The following STXBP6 variants were observed in gnomAD, a reference collection of about 807,000 sequenced individuals.
STXBP6 encodes syntaxin binding protein 6.
Under a neutral mutation model 26.9 loss-of-function variants are expected in STXBP6, and 21 were observed. The observed-to-expected ratio is 0.78, with a 90% CI of 0.55 to 1.12. The LOEUF (loss-of-function observed/expected upper bound fraction) is 1.12. Ranked by LOEUF, STXBP6 falls within the 50% of genes most tolerant of loss-of-function variation. STXBP6 has a pLI of 0.00. For synonymous variants in STXBP6, 97 were observed against 92.6 expected (o/e 1.05, Z -0.27); for missense variants, 232 against 257.9 (o/e 0.90, Z 0.69).
intron 5 of STXBP6, among the ~76,000 whole-genome samples, chr14:24,818,347 T>G (rs542785834): frequency 1.6e-3 from 238 of 152,282 alleles, no homozygotes; most frequent in African/African-American, 5.4e-3. Context: ...CCCCTTTCCC[T>G]TCTAAAAGGC....
chr14:24,851,214 A>G (rs2069137814), intron 4 of STXBP6, among the ~76,000 whole-genome samples: 1 of 149,278 alleles, frequency 6.7e-6, no homozygotes, highest in South Asian at 2.1e-4. Context: ...CTATACTGAC[A>G]ATCTATTTGA....
intron 4 of STXBP6, among the ~76,000 whole-genome samples, chr14:24,852,205 A>G (rs1207545310): frequency 1.3e-5 from 2 of 152,158 alleles, no homozygotes; most frequent in African/African-American, 4.8e-5. Context: ...CATGACAGTT[A>G]CATCTGCAGT....
intron 4 of STXBP6, among the ~76,000 whole-genome samples, chr14:24,826,530 T>C (rs2068289050): frequency 6.6e-6 from 1 of 152,206 alleles, no homozygotes; most frequent in African/African-American, 2.4e-5. Context: ...GTTACTTTCG[T>C]ATGCCACAAT....
At chr14:24,913,765 T>G (rs1247031134) in intron 2 of STXBP6, among the ~76,000 whole-genome samples, 2 of 152,188 alleles carry the variant, frequency 1.3e-5, no homozygotes, top group African/African-American at 4.8e-5. Flanking sequence ...CTTTATAGTC[T>G]TTGGAAAAAC....
chr14:24,929,178 G>A (rs2072290615), intron 2 of STXBP6, among the ~76,000 whole-genome samples: 1 of 152,186 alleles, frequency 6.6e-6, no homozygotes, highest in African/African-American at 2.4e-5. Context: ...AAAATCTGTA[G>A]CTTTCTGGAA....
chr14:24,896,182 G>A (rs2070985213), intron 2 of STXBP6, among the ~76,000 whole-genome samples: 1 of 152,052 alleles, frequency 6.6e-6, no homozygotes, highest in African/African-American at 2.4e-5. Context: ...ATCTAGTGTG[G>A]TCCCAGGATG....
chr14:24,950,739 T>TA (rs1258675440), intron 2 of STXBP6, among the ~76,000 whole-genome samples: 3 of 152,168 alleles, frequency 2.0e-5, no homozygotes, highest in Non-Finnish European at 4.4e-5. Flanking sequence ...CAAAACTATT[T>TA]AAAAAATTTT....
intron 1 of STXBP6, among the ~76,000 whole-genome samples, chr14:25,004,040 C>T (rs1387534811): frequency 6.6e-6 from 1 of 152,172 alleles, no homozygotes; most frequent in African/African-American, 2.4e-5. Context: ...AGAGTTGAGG[C>T]CTGGTGCCTA....
rs1021387505 is a variant in STXBP6 at position 24,918,789 on chromosome 14, C to T, written c.154+55876G>A. On this transcript the variant is annotated intron_variant, in intron 2 of 5. Coordinates refer to ENST00000323944, the MANE Select transcript of STXBP6 (RefSeq NM_001394410.1). ...AAATGTGAAAAAAGCAGAATTACAG[C>T]ATCTTATGTTTGAATATTAACTGTC... is the stretch of plus-strand genomic sequence containing the variant. Among the ~76,000 whole-genome samples the T allele has an allele frequency of 2.6e-5, 4 of 152,028 alleles. No homozygotes were observed. In the East Asian group the frequency reaches 7.7e-4, roughly 29 times the overall value.
At position 24,819,202 on chromosome 14, in the gene STXBP6, G is replaced by C. The variant is rs1361316415; in HGVS notation, c.452-8C>G. On this transcript the variant is annotated splice_region_variant and splice_polypyrimidine_tract_variant and intron_variant, in intron 4 of 5. Transcript: ENST00000323944. ...AATGGAGGATGCTGTTTCCTGAAAG[G>C]AGGAGAGCAGGAGCATCAGAAACTG... The C allele has an allele frequency of 2.5e-6, 4 of 1,613,828 alleles. No individual in the cohort carries two copies. Among genetic ancestry groups the C allele is most frequent in the Non-Finnish European group, 3.4e-6 (4 of 1,180,024 alleles).
intron 2 of STXBP6, among the ~76,000 whole-genome samples, chr14:24,948,769 T>G (rs565003922): frequency 6.6e-6 from 1 of 152,274 alleles, no homozygotes; most frequent in African/African-American, 2.4e-5. Flanking sequence ...AAATAGAATA[T>G]TTTGTCTCAG....
chr14:24,958,129 A>G (rs756918898), intron 2 of STXBP6, among the ~76,000 whole-genome samples: 1 of 152,220 alleles, frequency 6.6e-6, no homozygotes. Flanking sequence ...ACAAAGTTCT[A>G]ATTGGATTCA....
chr14:24,848,412 C>G (rs1234283834), intron 4 of STXBP6, among the ~76,000 whole-genome samples: 2 of 152,162 alleles, frequency 1.3e-5, no homozygotes, highest in African/African-American at 2.4e-5. Flanking sequence ...ATATTTATGT[C>G]TTCTGGTTGA....
At chr14:25,047,127 C>G (rs2075739634) in intron 1 of STXBP6, among the ~76,000 whole-genome samples, 1 of 152,172 alleles carries the variant, frequency 6.6e-6, no homozygotes, top group African/African-American at 2.4e-5. Context: ...TTCAAGCTGT[C>G]AGAACTGTAC....
chr14:24,956,574 T>A (rs957106942), intron 2 of STXBP6, among the ~76,000 whole-genome samples: 1 of 152,196 alleles, frequency 6.6e-6, no homozygotes. Context: ...GCCATCCCCA[T>A]GTACGAACTT....
chr14:25,014,573 G>A (rs1273894486), intron 1 of STXBP6, among the ~76,000 whole-genome samples: 3 of 152,218 alleles, frequency 2.0e-5, no homozygotes, highest in African/African-American at 7.2e-5. Context: ...GGCAAGCCTT[G>A]CACACTCAGC....
chr14:25,018,297 G>A (rs1193289495), intron 1 of STXBP6, among the ~76,000 whole-genome samples: 1 of 152,140 alleles, frequency 6.6e-6, no homozygotes, highest in Non-Finnish European at 1.5e-5. Context: ...GGCCTAGGCA[G>A]CAATGCACTA....
At chr14:24,845,050 C>A (rs1191211040) in intron 4 of STXBP6, among the ~76,000 whole-genome samples, 1 of 149,508 alleles carries the variant, frequency 6.7e-6, no homozygotes. Context: ...CTCACTCTGT[C>A]GCCCAGGCTG....
At chr14:24,836,116 A>G (rs1418382361) in intron 4 of STXBP6, among the ~76,000 whole-genome samples, 1 of 152,238 alleles carries the variant, frequency 6.6e-6, no homozygotes, top group Non-Finnish European at 1.5e-5. Context: ...CAGGGTGTGT[A>G]TGAAATCATA....
Sources: allele counts gnomAD v4.1 joint callset (sites outside exome capture counted in the v4.1 genomes callset), GRCh38; gene constraint gnomAD v4.1.1; transcripts MANE v1.5; gene names NCBI Gene and HGNC (gene_info 2026-07-23, HGNC 2026-07-21).